Variants in LMBR1L observed in about 807,000 individuals in gnomAD.
The protein encoded by LMBR1L is protein LMBR1L.
In LMBR1L, 47 loss-of-function variants were observed where a neutral mutation model predicts 67.3. The observed-to-expected ratio is 0.70, with a 90% CI of 0.55 to 0.89. The LOEUF is 0.89. LMBR1L is among the 40% of genes least tolerant of loss of function. The probability of loss-of-function intolerance (pLI) is 0.00; values close to 1 mark genes in which losing one functional copy is unlikely to be tolerated. For synonymous variants in LMBR1L, 247 were observed against 250.3 expected, an observed-to-expected ratio of 0.99 and a Z score of 0.13; for missense variants, 533 against 599.2, an observed-to-expected ratio of 0.89 and a Z score of 1.15.
At chr12:49,101,417 C>T (rs768978582) in intron 12 of LMBR1L, 55 bp downstream of exon 12, 2 of 1,605,910 alleles carry the variant, frequency 1.2e-6, no homozygotes, top group South Asian at 1.1e-5. Context: ...TGCCTCCTCT[C>T]CCCAGCTGTT....
At position 49,100,884 on chromosome 12, in the gene LMBR1L, C is replaced by T. The variant is rs574785683; in HGVS notation, c.1083-238G>A. The T allele has an allele frequency of 2.6e-3, 1,471 of 562,868 alleles. 7 individuals carry two copies. Among genetic ancestry groups the T allele is most frequent in the Non-Finnish European group, 3.9e-3 (1,242 of 319,046 alleles). 34.9% of individuals were successfully genotyped at this position (562,868 alleles called of 1,614,324 possible). ...CTGGGAATGCAAGCACGCACCACCA[C>T]GTCTGGCTAATTTTTTGTACTTTTT... On this transcript the variant is annotated intron_variant, in intron 13 of 16. Transcript: ENST00000267102.
At position 49,097,555 on chromosome 12, in the gene LMBR1L, C is replaced by T. The variant is rs538009920; in HGVS notation, c.*117G>A. On this transcript the variant is annotated 3_prime_UTR_variant, in exon 17 of 17. Coordinates refer to ENST00000267102, the MANE Select transcript of LMBR1L (RefSeq NM_018113.4). ...ATAGTGCAGATGGCTCTGCTCCCCT[C>T]TGCCACCCACCCTCTCAGATTCCAG... The T allele has an allele frequency of 2.9e-5, 31 of 1,051,236 alleles. No homozygotes were observed. The highest frequency in any genetic ancestry group is 3.1e-4 in the Middle Eastern group (1 of 3,224). The allele number at this position is 1,051,236 out of a possible 1,614,324, so 65.1% of individuals were successfully genotyped here.
chr12:49,097,722 G>A lies in LMBR1L; in HGVS notation c.1420C>T (p.Leu474=). The stretch of plus-strand genomic sequence containing the variant: ...GCCTGGGGGAAACCGGAGACGGGCA[G>A]CGGCAGTCTGTCCAGCCCTGGAGAA... ...IRAFGLDRLP[L]PVSGFPQASR... is the part of the protein sequence containing the mutation. Residue 474 remains leucine, a synonymous_variant, in exon 17 of 17, where the codon CTG becomes TTG. Transcript: ENST00000267102. 1 of 1,613,982 alleles carries A rather than the reference G, an allele frequency of 6.2e-7. No individual in the cohort carries two copies. The highest frequency in any genetic ancestry group is 1.3e-5 in the African/African-American group (1 of 75,042).
chr12:49,104,819 G>T lies in LMBR1L; in HGVS notation c.258C>A (p.Ile86=). ...LGAVLLLPFS[I]ISNEVLLSLP... ...GGGAGAGCAGCACCTCATTGCTGATGATGGAGAAGGGCAGGAGCAGGACAG... is the reference window on the plus strand; with the variant it reads ...GGGAGAGCAGCACCTCATTGCTGATTATGGAGAAGGGCAGGAGCAGGACAG... Residue 86 remains isoleucine, a synonymous_variant, in exon 4 of 17, where the codon ATC becomes ATA. Transcript: ENST00000267102. 1 of 1,613,886 alleles carries T rather than the reference G, an allele frequency of 6.2e-7. No individual in the cohort carries two copies. Among genetic ancestry groups the T allele is most frequent in the Non-Finnish European group, 8.5e-7 (1 of 1,179,922 alleles).
chr12:49,103,172 A>T lies in LMBR1L; in HGVS notation c.563-13T>A. Reference sequence around the variant, plus strand: ...TACTCCCAAAAGTCTAAGGATAAAAAAAAGAGGCATGTCAGCTCATCTCTC... The same window carrying T: ...TACTCCCAAAAGTCTAAGGATAAAATAAAGAGGCATGTCAGCTCATCTCTC... On this transcript the variant is annotated splice_polypyrimidine_tract_variant and intron_variant, in intron 6 of 16. Transcript: ENST00000267102. 1 of 1,610,950 alleles carries T rather than the reference A, an allele frequency of 6.2e-7. No homozygotes were observed. The highest frequency in any genetic ancestry group is 2.2e-5 in the East Asian group (1 of 44,860).
chr12:49,102,911 A>G lies in LMBR1L; in HGVS notation c.672T>C (p.Thr224=), dbSNP rs1272793305. 4 of 1,614,144 alleles carry G rather than the reference A, an allele frequency of 2.5e-6. No homozygotes were observed. The highest frequency in any genetic ancestry group is 3.4e-6 in the Non-Finnish European group (4 of 1,179,998). ...CCCGGGGCTTGACTAGCAGCTTCCC[A>G]GTGACGGAGAACATGCGGGCGAGAC... ...PLGLARMFSV[T]GKLLVKPRLL... is the part of the protein sequence containing the mutation. The change falls in exon 8 of 17, where the codon ACT becomes ACC. Residue 224 remains threonine, a synonymous_variant. Transcript: ENST00000267102.
rs978765212 is a variant in LMBR1L, at chr12:49,110,687, G to T, written c.-132C>A. The T allele has an allele frequency of 1.3e-6, 1 of 740,776 alleles. No homozygotes were observed. 45.9% of individuals were successfully genotyped at this position (740,776 alleles called of 1,614,324 possible). On this transcript the variant is annotated 5_prime_UTR_variant, in exon 1 of 17. Coordinates refer to ENST00000267102, the MANE Select transcript of LMBR1L (RefSeq NM_018113.4). ...TCGCAGCCTGCGACAGAAACTCGGG[G>T]CAGTCTGGGGCTCAGATACAGTCGT...
Position 49,101,473 on chromosome 12 carries a change from T to C in LMBR1L, c.1007A>G (p.Gln336Arg). ...IDEAAMPRGM[Q>R]GTSLGQVSFS... is the part of the protein sequence containing the mutation. ...TATGGTGGGAGGGCAGCCTGGTACCTGCATGCCTCGGGGCATGGCAGCCTC... is the reference window on the plus strand; with the variant it reads ...TATGGTGGGAGGGCAGCCTGGTACCCGCATGCCTCGGGGCATGGCAGCCTC... The change falls in exon 12 of 17, where the codon CAG (glutamine) becomes CGG (arginine). Residue 336 changes from glutamine (Q) to arginine (R), a missense_variant and splice_region_variant. Transcript: ENST00000267102. 6.2e-7 allele frequency: 1 copy of C among 1,613,828 alleles called. No homozygotes were observed. Among genetic ancestry groups the C allele is most frequent in the Non-Finnish European group, 8.5e-7 (1 of 1,179,832 alleles).
chr12:49,105,582 A>G (rs1940794268), intron 3 of LMBR1L, among the ~76,000 whole-genome samples: 2 of 151,976 alleles, frequency 1.3e-5, no homozygotes, highest in South Asian at 4.2e-4. Context: ...CACCTTCCCC[A>G]CACCCTGCTC....
intron 1 of LMBR1L, 116 bp from the exon 2 acceptor site, chr12:49,107,161 C>A: frequency 1.4e-6 from 1 of 695,032 alleles, no homozygotes; most frequent in Non-Finnish European, 2.5e-6. Flanking sequence ...CTCCATACTT[C>A]CAAGGGTTCC....
In LMBR1L at chr12:49,097,661, C is replaced by CCAG; in HGVS notation, c.*8_*10dup. On this transcript the variant is annotated 3_prime_UTR_variant, in exon 17 of 17. Transcript: ENST00000267102. ...GTGTCCAGTTTTTTCCTTCCCACCC[C>CCAG]CAGCTGGAGGTCACTGGTGCTGGGT... is the stretch of plus-strand genomic sequence containing the variant. The CCAG allele has an allele frequency of 6.2e-7, 1 of 1,613,042 alleles. No individual in the cohort carries two copies. Among genetic ancestry groups the CCAG allele is most frequent in the Non-Finnish European group, 8.5e-7 (1 of 1,179,916 alleles).
At position 49,106,943 on chromosome 12, in the gene LMBR1L, G is replaced by C; in HGVS notation, c.157+18C>G. 5 of 1,576,472 alleles carry C rather than the reference G, an allele frequency of 3.2e-6. No homozygotes were observed. The highest frequency in any genetic ancestry group is 1.1e-5 in the South Asian group (1 of 90,230). On this transcript the variant is annotated intron_variant, in intron 2 of 16. Transcript: ENST00000267102. ...ATGGCAACAGGGACTCTAGCAGGAG[G>C]GAGGGAAATCAAAGTACCTGTGGTG...
intron 5 of LMBR1L, 59 bp downstream of exon 5, chr12:49,104,389 T>G (rs901259428): frequency 2.4e-6 from 3 of 1,231,834 alleles, no homozygotes; most frequent in African/African-American, 3.0e-5. Flanking sequence ...TAAAATCTCT[T>G]CAGCTGAACC....
intron 1 of LMBR1L, among the ~76,000 whole-genome samples, chr12:49,107,399 C>G (rs1024737156): frequency 5.3e-5 from 8 of 152,230 alleles, no homozygotes; most frequent in African/African-American, 1.9e-4. Flanking sequence ...TTCAAACCAG[C>G]TACAGAACCA....
intron 5 of LMBR1L, chr12:49,104,117 A>G: frequency 2.1e-6 from 1 of 477,178 alleles, no homozygotes; most frequent in Non-Finnish European, 3.7e-6. Flanking sequence ...CGCATCCAAC[A>G]GGAGAATGGA....
At position 49,097,725 on chromosome 12, in the gene LMBR1L, G is replaced by GCAGTCTC; in HGVS notation, c.1416_1417insGAGACTG (p.Pro473GlufsTer14). 1.2e-6 allele frequency: 2 copies of GCAGTCTC among 1,613,988 alleles called. No homozygotes were observed. The highest frequency in any genetic ancestry group is 2.2e-5 in the South Asian group (2 of 91,066). ...TGGGGGAAACCGGAGACGGGCAGCGGCAGTCTGTCCAGCCCTGGAGAAGAG... is the reference window on the plus strand; with the variant it reads ...TGGGGGAAACCGGAGACGGGCAGCGGCAGTCTCCAGTCTGTCCAGCCCTGGAGAAGAG... On this transcript the variant is annotated frameshift_variant, in exon 17 of 17. Transcript: ENST00000267102. LOFTEE classifies it high-confidence loss of function.
chr12:49,102,107 C>T lies in LMBR1L; in HGVS notation c.930+13G>A, dbSNP rs770547336. ...GAGGGTCCACTCCTCACCTCTAGGG[C>T]TGGTATACCTACCGTCAGCACCAGC... On this transcript the variant is annotated intron_variant, in intron 11 of 16. Coordinates refer to ENST00000267102, the MANE Select transcript of LMBR1L (RefSeq NM_018113.4). The T allele has an allele frequency of 1.8e-5, 29 of 1,613,232 alleles. No homozygotes were observed. Among genetic ancestry groups the T allele is most frequent in the Non-Finnish European group, 2.0e-5 (24 of 1,179,356 alleles).
rs777677151 is a variant in LMBR1L at position 49,101,232 on chromosome 12, G to A, written c.1082+18C>T. On this transcript the variant is annotated intron_variant, in intron 13 of 16. Transcript: ENST00000267102. Reference sequence around the variant, plus strand: ...AGGTTTGCTGAACAGAGGCAATGATGGGTTTCCAGAAGGATACAAGATGAG... The same window carrying A: ...AGGTTTGCTGAACAGAGGCAATGATAGGTTTCCAGAAGGATACAAGATGAG... 6 of 1,614,072 alleles carry A rather than the reference G, an allele frequency of 3.7e-6. No homozygotes were observed. The Admixed American group carries it at 1.0e-4, about 27-fold the overall frequency.
chr12:49,104,013 C>T (rs1940562659), intron 5 of LMBR1L, 200 bp from the exon 6 acceptor site: 4 of 562,220 alleles, frequency 7.1e-6, no homozygotes, highest in South Asian at 2.4e-5. Context: ...TCTTCATTTG[C>T]ATCTCCTTTC....
Sources: gnomAD v4.1 joint callset for allele counts (sites outside exome capture counted in the v4.1 genomes callset) on GRCh38, gnomAD v4.1.1 for gene constraint, MANE v1.5 for transcripts, NCBI Gene and HGNC (gene_info 2026-07-23, HGNC 2026-07-21) for gene names.